Variants in CHD8 observed in about 807,000 individuals in gnomAD.
CHD8 encodes the protein chromodomain helicase DNA binding protein 8, also known as ATP-dependent chromatin remodeler CHD8.
A neutral mutation model predicts 279.2 loss-of-function variants in CHD8; 31 were observed. The observed-to-expected ratio is 0.11, with a 90% CI of 0.08 to 0.15. The LOEUF is 0.15. CHD8 is among the 10% of genes least tolerant of loss of function. The pLI is 1.00. For missense variants in CHD8, 2,146 were observed against 3,230.5 expected (o/e 0.66, Z 8.14); for synonymous variants, 1,081 against 1,139.6 (o/e 0.95, Z 1.04).
Position 21,408,575 on chromosome 14 carries a change from A to C in CHD8, c.2487-20T>G. Reference sequence around the variant, plus strand: ...TTCTGCCTGCAGATTCACCATGGGAAAAAAAAAATGTTAAAAGATACTATC... The same window carrying C: ...TTCTGCCTGCAGATTCACCATGGGACAAAAAAAATGTTAAAAGATACTATC... On this transcript the variant is annotated intron_variant, in intron 12 of 37. Transcript: ENST00000646647. The surrounding 1 kb of genome is among the most constrained non-coding windows in gnomAD (Gnocchi z 4.3). 6.3e-7 allele frequency: 1 copy of C among 1,596,966 alleles called. No homozygotes were observed. The highest frequency in any genetic ancestry group is 8.5e-7 in the Non-Finnish European group (1 of 1,171,242).
chr14:21,428,118 C>G lies in CHD8; in HGVS notation c.1352G>C (p.Arg451Thr). ...CTCTTGCTTCTTCTGGTGTTCCAAT[C>G]TGCGGTTTTCCTCCATTCCTGTCTT... The part of the protein sequence containing the change: ...GGKTGMEENR[R>T]LEHQKKQEKA... The change falls in exon 4 of 38, where the codon AGA becomes ACA. Residue 451 changes from arginine (R) to threonine (T), a missense_variant. Around this residue, in one of 26 missense-constraint regions of CHD8, gnomAD observed 170 missense variants for 189.9 expected, o/e 0.90. Transcript: ENST00000646647. The G allele has an allele frequency of 6.2e-7, 1 of 1,614,038 alleles. No homozygotes were observed. Among genetic ancestry groups the G allele is most frequent in the Non-Finnish European group, 8.5e-7 (1 of 1,179,902 alleles).
chr14:21,417,886 T>A (rs1455026233), intron 5 of CHD8, among the ~76,000 whole-genome samples: 1 of 145,148 alleles, frequency 6.9e-6, no homozygotes, highest in Non-Finnish European at 1.5e-5. Flanking sequence ...ATATATAATA[T>A]ATATATATAT....
intron 5 of CHD8, 141 bp downstream of exon 5, chr14:21,425,987 A>G (rs1889298349): frequency 3.3e-6 from 2 of 602,734 alleles, no homozygotes; most frequent in South Asian, 2.1e-5. Flanking sequence ...GGCCAGGTCC[A>G]TCCACCTTAT....
intron 5 of CHD8, among the ~76,000 whole-genome samples, chr14:21,422,033 C>T (rs1889067306): frequency 6.6e-6 from 1 of 152,110 alleles, no homozygotes; most frequent in Non-Finnish European, 1.5e-5. Flanking sequence ...TTCTAGCCTC[C>T]AGAACTATAA....
rs1341266280 is a variant in CHD8 at position 21,427,964 on chromosome 14, G to A, written c.1506C>T (p.Arg502=). 4.3e-6 allele frequency: 7 copies of A among 1,613,906 alleles called. No individual in the cohort carries two copies. The highest frequency in any genetic ancestry group is 4.0e-5 in the African/African-American group (3 of 74,922). ...VRPEEEGEKK[R]RKKSAGERLK... is the part of the protein sequence containing the mutation. ...GCCTCTCCCCAGCACTCTTCTTCCT[G>A]CGTTTCTTCTCGCCTTCCTCCTCTG... The change falls in exon 4 of 38, where the codon CGC becomes CGT. Residue 502 remains arginine, a synonymous_variant. Coordinates refer to ENST00000646647, the MANE Select transcript of CHD8 (RefSeq NM_001170629.2).
intron 37 of CHD8, among the ~76,000 whole-genome samples, chr14:21,389,780 G>C (rs1887444907): frequency 6.6e-6 from 1 of 152,090 alleles, no homozygotes; most frequent in South Asian, 2.1e-4. Context: ...TGAAAATATA[G>C]AATAACTTAA....
At position 21,397,960 on chromosome 14, in the gene CHD8, A is replaced by G. The variant is rs1345666679; in HGVS notation, c.4922-8T>C. On this transcript the variant is annotated splice_polypyrimidine_tract_variant and splice_region_variant and intron_variant, in intron 26 of 37. Coordinates refer to ENST00000646647, the MANE Select transcript of CHD8 (RefSeq NM_001170629.2). ...TATTATATTTCTCATAGCCTAGAAG[A>G]AAAAGGGTCATAGTTGAAGAAAATG... The G allele has an allele frequency of 1.2e-6, 2 of 1,600,150 alleles. No homozygotes were observed. The highest frequency in any genetic ancestry group is 1.3e-5 in the African/African-American group (1 of 74,690).
At chr14:21,447,604 T>C (rs2139570985) in intron 1 of CHD8, among the ~76,000 whole-genome samples, 1 of 152,248 alleles carries the variant, frequency 6.6e-6, no homozygotes, top group Non-Finnish European at 1.5e-5. Flanking sequence ...ACTCCCAACC[T>C]CAGGTGATCA....
rs1889538507 is a variant in CHD8 at position 21,430,933 on chromosome 14, G to A, written c.711C>T (p.Arg237=). The change falls in exon 2 of 38, where the codon CGC becomes CGT. Residue 237 remains arginine (R), a synonymous_variant. Transcript: ENST00000646647. ...TTACTGGTCGGCTGGGCTGGACAAT[G>A]CGCTGAACAGCAGCCTGGTTCCCAG... ...KVPGNQAAVQ[R]IVQPSRPVKQ... The A allele has an allele frequency of 6.3e-7, 1 of 1,599,560 alleles. No homozygotes were observed. Among genetic ancestry groups the A allele is most frequent in the Non-Finnish European group, 8.5e-7 (1 of 1,179,798 alleles).
rs1052541239 is a variant in CHD8, at chr14:21,402,233, G to A, written c.3883-97C>T. The A allele has an allele frequency of 2.7e-6, 4 of 1,493,436 alleles. No individual in the cohort carries two copies. The highest frequency in any genetic ancestry group is 3.7e-5 in the Admixed American group (2 of 53,812). The allele number at this position is 1,493,436 out of a possible 1,614,324, so 92.5% of individuals were successfully genotyped here. A position where few individuals can be genotyped will look rare whatever the true frequency, so the allele number is the denominator to read the frequency against. On this transcript the variant is annotated intron_variant, in intron 19 of 37. Transcript: ENST00000646647. The surrounding 1 kb of genome is among the most constrained non-coding windows in gnomAD (Gnocchi z 4.5). ...TATTATATTTTAAGAAATAATAATTGAGAATCCAAACAAGGTAGTCAAATC... is the reference window on the plus strand; with the variant it reads ...TATTATATTTTAAGAAATAATAATTAAGAATCCAAACAAGGTAGTCAAATC...
chr14:21,406,906 G>A lies in CHD8; in HGVS notation c.2857C>T (p.Leu953=). 6.2e-7 allele frequency: 1 copy of A among 1,613,674 alleles called. No homozygotes were observed. Among genetic ancestry groups the A allele is most frequent in the Non-Finnish European group, 8.5e-7 (1 of 1,179,798 alleles). Residue 953 remains leucine, a synonymous_variant, in exon 14 of 38, where the codon CTG becomes TTG. Transcript: ENST00000646647. ...RCVIIDEAHR[L]KNRNCKLLDS... ...AGCAGCTTGCAATTACGGTTTTTCA[G>A]TCGATGGGCTTCATCAATGATAACA...
At chr14:21,432,391 G>A (rs1436709174) in intron 1 of CHD8, among the ~76,000 whole-genome samples, 1 of 152,100 alleles carries the variant, frequency 6.6e-6, no homozygotes, top group Non-Finnish European at 1.5e-5. Flanking sequence ...ATTTTACCCA[G>A]GAAGTTTTGC....
Position 21,431,634 on chromosome 14 carries a change from G to A in CHD8, c.10C>T (p.Pro4Ser), listed in dbSNP as rs1413418252. 1 of 1,540,922 alleles carries A rather than the reference G, an allele frequency of 6.5e-7. No homozygotes were observed. Among genetic ancestry groups the A allele is most frequent in the Admixed American group, 2.0e-5 (1 of 51,040 alleles). Residue 4 changes from proline to serine, a missense_variant, in exon 2 of 38, where the codon CCC becomes TCC. This residue lies in a region of CHD8 where 302 missense variants were observed against 325.5 expected (regional missense o/e 0.93). Coordinates refer to ENST00000646647, the MANE Select transcript of CHD8 (RefSeq NM_001170629.2). MAD[P>S]IMDLFDDPNL... is the part of the protein sequence containing the mutation. The stretch of plus-strand genomic sequence containing the variant: ...GGGTCATCGAACAGATCCATGATGG[G>A]GTCTGCCATCTTGGGAAAGTAATGG...
chr14:21,394,757 CA>C, intron 30 of CHD8, 154 bp downstream of exon 30: 1 of 730,260 alleles, frequency 1.4e-6, no homozygotes, highest in Non-Finnish European at 2.2e-6. Context: ...TTACTGCATG[CA>C]AGTGAGGTTT....
chr14:21,392,972 T>C, intron 33 of CHD8, 134 bp downstream of exon 33: 2 of 867,544 alleles, frequency 2.3e-6, no homozygotes, highest in Non-Finnish European at 3.2e-6. Context: ...GGAAGTTTCC[T>C]GGAAAAAAAA....
At chr14:21,429,548 T>A (rs1889476735) in intron 2 of CHD8, 2 of 689,586 alleles carry the variant, frequency 2.9e-6, no homozygotes, top group Non-Finnish European at 2.7e-6. Flanking sequence ...TAGAGTGCAG[T>A]GGCTATTCAC....
intron 11 of CHD8, among the ~76,000 whole-genome samples, chr14:21,409,487 G>A (rs1222462507): frequency 6.6e-6 from 1 of 152,160 alleles, no homozygotes. Flanking sequence ...TCAGGGAAAT[G>A]TATGCAATGA....
chr14:21,452,658 A>G (rs980654028), intron 1 of CHD8, among the ~76,000 whole-genome samples: 1 of 151,854 alleles, frequency 6.6e-6, no homozygotes, highest in Non-Finnish European at 1.5e-5. Context: ...AAAAAAAAAA[A>G]AGAAAACTTC....
At position 21,391,016 on chromosome 14, in the gene CHD8, AT is replaced by A. The variant is rs751094013; in HGVS notation, c.7112del (p.Asn2371IlefsTer6). ...CCAAACAGTTCAATTCTGCCTTATT[AT>A]TTTTTTTACATCTTTGCCACTTCTG... ...RKQKWQRCKK[N>X]NKAELNCLGM... On this transcript the variant is annotated frameshift_variant, in exon 37 of 38. Transcript: ENST00000646647. LOFTEE classifies it high-confidence loss of function. 24 of 1,601,596 alleles carry A rather than the reference AT, an allele frequency of 1.5e-5. No homozygotes were observed. The highest frequency in any genetic ancestry group is 1.7e-4 in the Middle Eastern group (1 of 6,042).
Sources: gnomAD v4.1 joint callset for allele counts (sites outside exome capture counted in the v4.1 genomes callset) on GRCh38, gnomAD v4.1.1 for gene constraint, gnomAD v4.1.1 regional missense constraint, Gnocchi (gnomAD v3.1) non-coding constraint, MANE v1.5 for transcripts, NCBI Gene and HGNC (gene_info 2026-07-23, HGNC 2026-07-21) for gene names.